The following GALNTL6 variants were observed in gnomAD, a reference collection of about 807,000 sequenced individuals.
The protein encoded by GALNTL6 is polypeptide N-acetylgalactosaminyltransferase-like 6.
Under a neutral mutation model 73.7 loss-of-function variants are expected in GALNTL6, and 46 were observed. That is an observed-to-expected ratio of 0.62 (90% CI 0.49 to 0.80). The LOEUF (loss-of-function observed/expected upper bound fraction) is 0.80, where lower values mean the gene tolerates loss of function less well. GALNTL6 is among the 30% of genes least tolerant of loss of function. The probability of loss-of-function intolerance (pLI) is 0.00; values close to 1 mark genes in which losing one functional copy is unlikely to be tolerated. For missense variants in GALNTL6, 604 were observed against 755.0 expected, an observed-to-expected ratio of 0.80 and a Z score of 2.34; for synonymous variants, 259 against 263.7, an observed-to-expected ratio of 0.98 and a Z score of 0.17.
chr4:172,370,721 C>T (rs754500266), intron 5 of GALNTL6, among the ~76,000 whole-genome samples: 13 of 151,842 alleles, frequency 8.6e-5, no homozygotes, highest in Non-Finnish European at 1.8e-4. Flanking sequence ...TCATACTATC[C>T]GTGACTGGTT....
intron 2 of GALNTL6, among the ~76,000 whole-genome samples, chr4:171,853,012 A>T (rs375124530): frequency 1.2e-5 from 1 of 86,834 alleles, no homozygotes; most frequent in East Asian, 3.4e-4. Flanking sequence ...CGCCCGGCTA[A>T]TTTTTTTTTT....
chr4:172,988,564 G>A (rs937991039), intron 10 of GALNTL6, among the ~76,000 whole-genome samples: 2 of 152,194 alleles, frequency 1.3e-5, no homozygotes, highest in Non-Finnish European at 2.9e-5. Flanking sequence ...AAATAAAGAG[G>A]AGCCAAATAT....
At chr4:172,749,006 C>G (rs1255121682) in intron 5 of GALNTL6, among the ~76,000 whole-genome samples, 1 of 151,726 alleles carries the variant, frequency 6.6e-6, no homozygotes, top group Non-Finnish European at 1.5e-5. Flanking sequence ...ATATTCCAGG[C>G]TGAATCGGTC....
At chr4:172,168,199 A>G (rs1407856422) in intron 2 of GALNTL6, among the ~76,000 whole-genome samples, 1 of 152,194 alleles carries the variant, frequency 6.6e-6, no homozygotes, top group African/African-American at 2.4e-5. Flanking sequence ...AAAAGTTTCC[A>G]GGTACCATTT....
intron 5 of GALNTL6, among the ~76,000 whole-genome samples, chr4:172,766,175 G>T (rs999248375): frequency 6.6e-6 from 1 of 152,116 alleles, no homozygotes; most frequent in Admixed American, 6.5e-5. Flanking sequence ...ATGTACAACT[G>T]ATTAAACGAT....
Position 172,156,539 on chromosome 4 carries a change from TA to T in GALNTL6, c.139-73115del, listed in dbSNP as rs1180871683. On this transcript the variant is annotated intron_variant, in intron 2 of 12. Coordinates refer to ENST00000506823, the MANE Select transcript of GALNTL6 (RefSeq NM_001034845.3). ...TTGACTTTAAATATACATATATATA[TA>T]ATATATATATATATATATATATATA... is the stretch of plus-strand genomic sequence containing the variant. Among the ~76,000 whole-genome samples, 71 of 47,700 alleles carry T rather than the reference TA, an allele frequency of 1.5e-3. 4 individuals carry two copies. Among genetic ancestry groups the T allele is most frequent in the South Asian group, 0.013 (18 of 1,344 alleles). 31.3% of individuals were successfully genotyped at this position (47,700 alleles called of 152,430 possible). A position where few individuals can be genotyped will look rare whatever the true frequency, so the allele number is the denominator to read the frequency against.
intron 5 of GALNTL6, among the ~76,000 whole-genome samples, chr4:172,436,474 C>T (rs1332470476): frequency 6.6e-6 from 1 of 152,084 alleles, no homozygotes; most frequent in Non-Finnish European, 1.5e-5. Context: ...GTCCCGACAT[C>T]CTACTTCAGC....
chr4:172,323,953 T>C (rs530932735), intron 4 of GALNTL6, among the ~76,000 whole-genome samples: 31 of 152,122 alleles, frequency 2.0e-4, no homozygotes, highest in African/African-American at 7.2e-4. Context: ...TGTAAATGAG[T>C]TGACACTCCA....
intron 5 of GALNTL6, among the ~76,000 whole-genome samples, chr4:172,570,780 A>G (rs1278602439): frequency 6.6e-6 from 1 of 152,154 alleles, no homozygotes; most frequent in South Asian, 2.1e-4. Context: ...CGAAATAATT[A>G]TACAACTCAC....
At chr4:172,858,168 A>C (rs2111127845) in intron 7 of GALNTL6, among the ~76,000 whole-genome samples, 1 of 152,306 alleles carries the variant, frequency 6.6e-6, no homozygotes, top group South Asian at 2.1e-4. Context: ...TTAACTAGGC[A>C]ACTCCTCCGA....
At chr4:172,784,109 G>C (rs1739522366) in intron 5 of GALNTL6, among the ~76,000 whole-genome samples, 1 of 151,740 alleles carries the variant, frequency 6.6e-6, no homozygotes, top group Non-Finnish European at 1.5e-5. Context: ...TTTATTTATG[G>C]GACAACTAAT....
At chr4:172,789,545 C>T (rs1039425018) in intron 5 of GALNTL6, among the ~76,000 whole-genome samples, 3 of 152,062 alleles carry the variant, frequency 2.0e-5, no homozygotes, top group African/African-American at 4.8e-5. Flanking sequence ...AAGGATTTTG[C>T]AAAAGATACA....
intron 5 of GALNTL6, among the ~76,000 whole-genome samples, chr4:172,734,388 C>T (rs1226960454): frequency 6.6e-6 from 1 of 152,084 alleles, no homozygotes; most frequent in Non-Finnish European, 1.5e-5. Flanking sequence ...TGTCAGAGAC[C>T]TTCACTGCAG....
intron 10 of GALNTL6, among the ~76,000 whole-genome samples, chr4:172,994,980 A>G (rs902813960): frequency 6.6e-6 from 1 of 152,126 alleles, no homozygotes; most frequent in African/African-American, 2.4e-5. Flanking sequence ...AGGGAGAATT[A>G]TTTTATCTAG....
intron 5 of GALNTL6, among the ~76,000 whole-genome samples, chr4:172,443,121 CATATATATATATATAT>C (rs4048464): frequency 0.037 from 1,917 of 52,036 alleles, 64 homozygotes; most frequent in African/African-American, 0.09. Context: ...GATCCATATA[CATATATATATATATAT>C]ATATATATAT....
intron 12 of GALNTL6, among the ~76,000 whole-genome samples, chr4:173,022,143 AGAG>A (rs1307103600): frequency 1.8e-5 from 2 of 112,026 alleles, no homozygotes; most frequent in African/African-American, 7.6e-5. Context: ...AGGAAGGAAA[AGAG>A]AGAGAGAAGG....
intron 5 of GALNTL6, among the ~76,000 whole-genome samples, chr4:172,756,119 G>A (rs954229046): frequency 6.6e-6 from 1 of 152,180 alleles, no homozygotes; most frequent in Admixed American, 6.5e-5. Flanking sequence ...GCTTAGCAAT[G>A]CAAGCGCTTC....
At chr4:172,104,432 C>T (rs952327930) in intron 2 of GALNTL6, among the ~76,000 whole-genome samples, 2 of 151,980 alleles carry the variant, frequency 1.3e-5, no homozygotes, top group Non-Finnish European at 2.9e-5. Context: ...GATAAATCAG[C>T]GTCTGGAAAT....
intron 2 of GALNTL6, among the ~76,000 whole-genome samples, chr4:172,175,492 A>G (rs1198436855): frequency 6.6e-6 from 1 of 152,224 alleles, no homozygotes; most frequent in African/African-American, 2.4e-5. Flanking sequence ...GAGAGGCAAA[A>G]GGAACAAAAC....
Sources: allele counts gnomAD v4.1 joint callset (sites outside exome capture counted in the v4.1 genomes callset), GRCh38; gene constraint gnomAD v4.1.1; transcripts MANE v1.5; gene names NCBI Gene and HGNC (gene_info 2026-07-23, HGNC 2026-07-21).